TSPAN18: variants seen among roughly 807,000 people sequenced by gnomAD.
TSPAN18 encodes the protein tetraspanin-18.
TSPAN18 carries 14 observed loss-of-function variants against 27.3 expected under a neutral mutation model. That is an observed-to-expected ratio of 0.51 (90% CI 0.34 to 0.80). The LOEUF (loss-of-function observed/expected upper bound fraction) is 0.80. Among genes scored for constraint, TSPAN18 ranks in the 30% least tolerant of loss-of-function variants. TSPAN18 has a pLI of 0.01. For missense variants in TSPAN18, 268 were observed against 323.9 expected, an observed-to-expected ratio of 0.83 and a Z score of 1.32; for synonymous variants, 143 against 136.5, an observed-to-expected ratio of 1.05 and a Z score of -0.33.
At chr11:44,851,610 T>TCAC (rs1554991740) in intron 2 of TSPAN18, among the ~76,000 whole-genome samples, 3 of 111,474 alleles carry the variant, frequency 2.7e-5, no homozygotes, top group Non-Finnish European at 3.9e-5. Flanking sequence ...GGTACTCTTG[T>TCAC]CACCTCCCCC....
intron 2 of TSPAN18, among the ~76,000 whole-genome samples, chr11:44,856,224 C>G (rs1378784420): frequency 6.6e-6 from 1 of 152,146 alleles, no homozygotes; most frequent in African/African-American, 2.4e-5. Flanking sequence ...TTTCTGCCCT[C>G]TGATCTTCAG....
chr11:44,908,460 G>A (rs1281696030), intron 4 of TSPAN18, among the ~76,000 whole-genome samples: 1 of 152,068 alleles, frequency 6.6e-6, no homozygotes, highest in Non-Finnish European at 1.5e-5. Context: ...TAGGCTGGGC[G>A]CAGTGGCTCA....
At chr11:44,848,510 T>C (rs1857530961) in intron 2 of TSPAN18, among the ~76,000 whole-genome samples, 1 of 151,896 alleles carries the variant, frequency 6.6e-6, no homozygotes, top group African/African-American at 2.4e-5. Flanking sequence ...GAAACCAAAT[T>C]AACAGGTAAA....
At chr11:44,784,777 A>C (rs1465087877) in intron 2 of TSPAN18, among the ~76,000 whole-genome samples, 1 of 152,176 alleles carries the variant, frequency 6.6e-6, no homozygotes, top group South Asian at 2.1e-4. Context: ...GCACAAGTAC[A>C]TTCTCTCCAT....
intron 8 of TSPAN18, among the ~76,000 whole-genome samples, chr11:44,922,597 G>A (rs1042894690): frequency 1.2e-4 from 19 of 152,164 alleles, no homozygotes; most frequent in Non-Finnish European, 2.4e-4. Context: ...GTAGACAGGG[G>A]GCTTTTATAC....
intron 3 of TSPAN18, chr11:44,897,726 T>G (rs756044224): frequency 1.7e-5 from 21 of 1,270,378 alleles, no homozygotes; most frequent in Non-Finnish European, 2.1e-5. Context: ...CCTGTAGTAA[T>G]TGAATATTTT....
chr11:44,777,819 C>T (rs1855848730), intron 2 of TSPAN18, among the ~76,000 whole-genome samples: 1 of 152,114 alleles, frequency 6.6e-6, no homozygotes, highest in Non-Finnish European at 1.5e-5. Flanking sequence ...GTAGACGTGC[C>T]AATTTAATTT....
intron 5 of TSPAN18, among the ~76,000 whole-genome samples, chr11:44,912,147 G>A (rs1038639911): frequency 4.0e-5 from 6 of 151,720 alleles, no homozygotes; most frequent in Admixed American, 2.6e-4. Context: ...TCAGCCCCCC[G>A]AGTAGCTGGG....
At chr11:44,916,406 C>T (rs1483395956) in intron 5 of TSPAN18, among the ~76,000 whole-genome samples, 2 of 152,130 alleles carry the variant, frequency 1.3e-5, no homozygotes, top group African/African-American at 2.4e-5. Flanking sequence ...GAGGCCAGTG[C>T]ATCACCAGGA....
At chr11:44,729,771 T>G (rs931044652) in intron 1 of TSPAN18, among the ~76,000 whole-genome samples, 1 of 152,122 alleles carries the variant, frequency 6.6e-6, no homozygotes, top group Non-Finnish European at 1.5e-5. Flanking sequence ...CCCTCTGCCC[T>G]TTAAAAAATG....
chr11:44,741,742 A>G (rs1232420391), intron 1 of TSPAN18, among the ~76,000 whole-genome samples: 2 of 152,204 alleles, frequency 1.3e-5, no homozygotes, highest in Non-Finnish European at 2.9e-5. Context: ...CCTACCAGCC[A>G]CATGACCTTT....
intron 3 of TSPAN18, among the ~76,000 whole-genome samples, chr11:44,897,020 G>A (rs1434561623): frequency 1.3e-5 from 2 of 152,092 alleles, no homozygotes; most frequent in African/African-American, 2.4e-5. Context: ...GAGGGATTTT[G>A]GATAGACATG....
At position 44,823,145 on chromosome 11, in the gene TSPAN18, C is replaced by T. The variant is rs148010816; in HGVS notation, c.-152-37183C>T. Among the ~76,000 whole-genome samples the T allele has an allele frequency of 1.2e-4, 19 of 152,316 alleles. 1 individual carries two copies. Among genetic ancestry groups the T allele is most frequent in the South Asian group, 8.3e-4 (4 of 4,824 alleles). On this transcript the variant is annotated intron_variant, in intron 2 of 9. Coordinates refer to ENST00000520358, the MANE Select transcript of TSPAN18 (RefSeq NM_130783.5). ...CCACTTTGCCAATCAGGGACCTCCA[C>T]GGCCGGCAACGCCCCCCCACTGCCC... is the stretch of plus-strand genomic sequence containing the variant.
At chr11:44,791,105 T>C (rs1201353418) in intron 2 of TSPAN18, among the ~76,000 whole-genome samples, 1 of 152,092 alleles carries the variant, frequency 6.6e-6, no homozygotes, top group East Asian at 1.9e-4. Flanking sequence ...CTGGTTTGAG[T>C]AGTGGCCTCC....
chr11:44,757,375 A>ATTATTTATTTAT (rs35948051), intron 1 of TSPAN18, among the ~76,000 whole-genome samples: 42 of 151,344 alleles, frequency 2.8e-4, no homozygotes, highest in African/African-American at 8.7e-4. Context: ...CTGAGAAATG[A>ATTATTTATTTAT]TTATTTATTT....
At chr11:44,801,302 G>T (rs876633) in intron 2 of TSPAN18, among the ~76,000 whole-genome samples, 1 of 152,290 alleles carries the variant, frequency 6.6e-6, no homozygotes, top group African/African-American at 2.4e-5. Context: ...CAAAAATTTA[G>T]ATTGCCATTC....
chr11:44,819,056 C>T (rs575458920), intron 2 of TSPAN18, among the ~76,000 whole-genome samples: 1 of 152,172 alleles, frequency 6.6e-6, no homozygotes, highest in African/African-American at 2.4e-5. Context: ...TAGAACATTC[C>T]CTGGAATCTA....
intron 2 of TSPAN18, among the ~76,000 whole-genome samples, chr11:44,847,855 A>G (rs577188894): frequency 4.0e-5 from 6 of 151,756 alleles, no homozygotes; most frequent in East Asian, 1.9e-4. Context: ...TTTTTTCCCA[A>G]TGGAGTTTCA....
At position 44,727,234 on chromosome 11, in the gene TSPAN18, T is replaced by C. The variant is rs989368348; in HGVS notation, c.-293T>C. ...GCGCGCCCCTCCGACCAGGAAAGTT[T>C]CCCCCCGGCCGCCGGCGGGATTTGG... On this transcript the variant is annotated 5_prime_UTR_variant, in exon 1 of 10. Transcript: ENST00000520358. The C allele has an allele frequency of 6.6e-6, 1 of 150,776 alleles. No individual in the cohort carries two copies. Among genetic ancestry groups the C allele is most frequent in the African/African-American group, 2.4e-5 (1 of 40,928 alleles). The allele number at this position is 150,776 out of a possible 1,614,324, so 9.3% of individuals were successfully genotyped here. A position where few individuals can be genotyped will look rare whatever the true frequency, so the allele number is the denominator to read the frequency against.
Sources: allele counts gnomAD v4.1 joint callset (sites outside exome capture counted in the v4.1 genomes callset), GRCh38; gene constraint gnomAD v4.1.1; transcripts MANE v1.5; gene names NCBI Gene and HGNC (gene_info 2026-07-23, HGNC 2026-07-21).